Variants in PRIM2 observed in about 807,000 individuals in gnomAD.
PRIM2 encodes DNA primase subunit 2.
In PRIM2, 39 loss-of-function variants were observed where a neutral mutation model predicts 67.3. That is an observed-to-expected ratio of 0.58 (90% CI 0.45 to 0.76). PRIM2 has a LOEUF of 0.76. Ranked by LOEUF, PRIM2 falls within the 30% of genes least tolerant of loss-of-function variation. The pLI is 0.00. For synonymous variants in PRIM2, 143 were observed against 198.7 expected (o/e 0.72, Z 2.36); for missense variants, 398 against 598.7 (o/e 0.66, Z 3.50).
chr6:57,524,184 T>C (rs1457827487), intron 8 of PRIM2, among the ~76,000 whole-genome samples: 8 of 152,320 alleles, frequency 5.3e-5, no homozygotes, highest in Non-Finnish European at 1.2e-4. Flanking sequence ...ATGTGTTTTG[T>C]ATGTTTTGAA....
At chr6:57,599,639 T>C (rs1235782865) in intron 10 of PRIM2, among the ~76,000 whole-genome samples, 20 of 152,292 alleles carry the variant, frequency 1.3e-4, no homozygotes, top group East Asian at 5.8e-4. Context: ...TTAGTTCCTC[T>C]AGGACCATAA....
chr6:57,529,620 A>G (rs1290440769), intron 8 of PRIM2, among the ~76,000 whole-genome samples: 1 of 152,238 alleles, frequency 6.6e-6, no homozygotes, highest in Non-Finnish European at 1.5e-5. Context: ...CAAGGGAAAG[A>G]TAATTCAAGG....
chr6:57,456,606 G>T (rs1314082298), intron 7 of PRIM2, among the ~76,000 whole-genome samples: 4 of 151,966 alleles, frequency 2.6e-5, no homozygotes, highest in Non-Finnish European at 5.9e-5. Flanking sequence ...CATTCGTCAC[G>T]TAGTTCTCGT....
chr6:57,322,470 C>T (rs1767693035), intron 3 of PRIM2, among the ~76,000 whole-genome samples: 1 of 152,002 alleles, frequency 6.6e-6, no homozygotes, highest in South Asian at 2.1e-4. Flanking sequence ...GGGTGGTTAC[C>T]CCCATGCTGC....
At chr6:57,534,747 T>C (rs1774965497) in intron 9 of PRIM2, among the ~76,000 whole-genome samples, 1 of 152,224 alleles carries the variant, frequency 6.6e-6, no homozygotes, top group South Asian at 2.1e-4. Context: ...TTCTGCTCCA[T>C]TCCGGCTCAT....
the PRIM2 span, among the ~76,000 whole-genome samples, chr6:57,268,393 A>G: frequency 1.3e-5 from 2 of 152,168 alleles, no homozygotes; most frequent in Admixed American, 6.5e-5. Context: ...GACTTCATAT[A>G]TTGAGAAGAC....
chr6:57,361,709 C>T (rs1385638886), intron 5 of PRIM2, among the ~76,000 whole-genome samples: 1 of 151,604 alleles, frequency 6.6e-6, no homozygotes, highest in Non-Finnish European at 1.5e-5. Flanking sequence ...CACTGTTGTC[C>T]TTTATATTAT....
chr6:57,306,072 C>T, the PRIM2 span, among the ~76,000 whole-genome samples: 1 of 152,160 alleles, frequency 6.6e-6, no homozygotes, highest in Admixed American at 6.5e-5. Flanking sequence ...TTTTAGTCCT[C>T]TATATCCATA....
intron 10 of PRIM2, among the ~76,000 whole-genome samples, chr6:57,552,435 G>GT (rs1266528575): frequency 2.0e-5 from 3 of 151,898 alleles, no homozygotes; most frequent in Non-Finnish European, 4.4e-5. Context: ...AAGCAACACT[G>GT]TCTTAATCAT....
At chr6:57,593,444 A>G (rs1453321417) in intron 10 of PRIM2, among the ~76,000 whole-genome samples, 1 of 152,044 alleles carries the variant, frequency 6.6e-6, no homozygotes, top group African/African-American at 2.4e-5. Context: ...CTGGGATTAC[A>G]GGCATGCACC....
intron 10 of PRIM2, among the ~76,000 whole-genome samples, chr6:57,577,655 C>T (rs1474678687): frequency 6.6e-6 from 1 of 152,042 alleles, no homozygotes; most frequent in East Asian, 1.9e-4. Flanking sequence ...TCTCAAACTC[C>T]TGACCTCAGG....
At chr6:57,369,809 A>AC (rs1170943768) in intron 5 of PRIM2, among the ~76,000 whole-genome samples, 1 of 152,216 alleles carries the variant, frequency 6.6e-6, no homozygotes, top group Non-Finnish European at 1.5e-5. Context: ...GTTTAATGAA[A>AC]TGACAAGTTT....
chr6:57,506,482 GCTTGT>G (rs1389362721), intron 7 of PRIM2, among the ~76,000 whole-genome samples: 1 of 151,960 alleles, frequency 6.6e-6, no homozygotes, highest in African/African-American at 2.4e-5. Flanking sequence ...TCAGTTTGTT[GCTTGT>G]CTTAAGGTTC....
At chr6:57,556,380 A>T (rs1288373192) in intron 10 of PRIM2, among the ~76,000 whole-genome samples, 1 of 152,196 alleles carries the variant, frequency 6.6e-6, no homozygotes, top group East Asian at 1.9e-4. Flanking sequence ...ATGTTATCTG[A>T]CTTCAAACTA....
At chr6:57,450,801 T>G (rs1163328295) in intron 7 of PRIM2, among the ~76,000 whole-genome samples, 25 of 152,232 alleles carry the variant, frequency 1.6e-4, no homozygotes, top group African/African-American at 5.8e-4. Flanking sequence ...AGTATTGTAG[T>G]AGGTACTTAA....
intron 9 of PRIM2, among the ~76,000 whole-genome samples, chr6:57,537,102 A>T (rs1312593237): frequency 6.6e-6 from 1 of 152,168 alleles, no homozygotes; most frequent in Non-Finnish European, 1.5e-5. Flanking sequence ...GATATATGCT[A>T]TCTCTTTGTA....
chr6:57,403,249 A>ATTTTTT (rs71299587), intron 7 of PRIM2, among the ~76,000 whole-genome samples: 16 of 110,204 alleles, frequency 1.5e-4, no homozygotes, highest in African/African-American at 5.4e-4. Flanking sequence ...CAGGTGAAGA[A>ATTTTTT]TTTTTTTTTT....
chr6:57,539,656 GTATA>G (rs1209100326), intron 10 of PRIM2, among the ~76,000 whole-genome samples: 7,710 of 70,588 alleles, frequency 0.11, 298 homozygotes, highest in Middle Eastern at 0.13. Context: ...GTGTGTGTGT[GTATA>G]TATATATATA....
In PRIM2 at chr6:57,646,703, A is replaced by G. The variant is rs1777342532; in HGVS notation, c.*545A>G. 1 of 152,264 alleles carries G rather than the reference A, an allele frequency of 6.6e-6. No homozygotes were observed. Among genetic ancestry groups the G allele is most frequent in the South Asian group, 2.1e-4 (1 of 4,832 alleles). The allele number at this position is 152,264 out of a possible 1,614,324, so 9.4% of individuals were successfully genotyped here. On this transcript the variant is annotated 3_prime_UTR_variant, in exon 14 of 14. Transcript: ENST00000615550. The stretch of plus-strand genomic sequence containing the variant: ...ACTTGAGTGATGTCATTTAAGTCCT[A>G]TTTTAGGAGATAAAAACAGCTTTGG...
Sources: allele counts gnomAD v4.1 joint callset (sites outside exome capture counted in the v4.1 genomes callset), GRCh38; gene constraint gnomAD v4.1.1; transcripts MANE v1.5; gene names NCBI Gene and HGNC (gene_info 2026-07-23, HGNC 2026-07-21).